Variants in WDR4 observed in about 807,000 individuals in gnomAD.
WDR4 encodes the protein tRNA (guanine-N(7)-)-methyltransferase non-catalytic subunit WDR4.
Under a neutral mutation model 48.6 loss-of-function variants are expected in WDR4, and 47 were observed. That is an observed-to-expected ratio of 0.97 (90% CI 0.77 to 1.23). WDR4 has a LOEUF of 1.23. WDR4 is among the 50% of genes most tolerant of loss of function. The pLI is 0.00. For missense variants in WDR4, 606 were observed against 551.6 expected, an observed-to-expected ratio of 1.10 and a Z score of -0.99; for synonymous variants, 268 against 230.0, an observed-to-expected ratio of 1.17 and a Z score of -1.49.
chr21:42,876,274 C>CGCAATCTCAGCTCTCT, intron 2 of WDR4, among the ~76,000 whole-genome samples: 1 of 142,628 alleles, frequency 7.0e-6, no homozygotes, highest in East Asian at 2.0e-4. Flanking sequence ...AGTGCAATGC[C>CGCAATCTCAGCTCTCT]GCAATCTCAG....
At chr21:42,867,477 G>A (rs954531957) in intron 3 of WDR4, among the ~76,000 whole-genome samples, 1 of 151,910 alleles carries the variant, frequency 6.6e-6, no homozygotes, top group Non-Finnish European at 1.5e-5. Flanking sequence ...ACATGCTGCA[G>A]GCTGCCCATC....
At position 42,873,707 on chromosome 21, in the gene WDR4, G is replaced by A. The variant is rs1348523381; in HGVS notation, c.156-16C>T. 2.5e-6 allele frequency: 4 copies of A among 1,610,802 alleles called. No homozygotes were observed. The highest frequency in any genetic ancestry group is 2.2e-5 in the East Asian group (1 of 44,838). On this transcript the variant is annotated splice_polypyrimidine_tract_variant and intron_variant, in intron 2 of 10. Transcript: ENST00000398208. ...CGCGTCCTCCCTGAGGAAGAGAGGA[G>A]GAAGACGGTTAAGCTTCACCTAAGG...
At chr21:42,846,784 G>A (rs1602675679), downstream of WDR4, among the ~76,000 whole-genome samples, 1 of 152,180 alleles carries the variant, frequency 6.6e-6, no homozygotes, top group Non-Finnish European at 1.5e-5. Context: ...CACTTTGGGA[G>A]TGCGAGGCGA....
chr21:42,853,668 C>A lies in WDR4; in HGVS notation c.876G>T (p.Val292=). 1 of 1,593,800 alleles carries A rather than the reference C, an allele frequency of 6.3e-7. No homozygotes were observed. The highest frequency in any genetic ancestry group is 8.5e-7 in the Non-Finnish European group (1 of 1,171,340). Residue 292 remains valine (V), a synonymous_variant, in exon 9 of 11, where the codon GTG becomes GTT. Coordinates refer to ENST00000398208, the MANE Select transcript of WDR4 (RefSeq NM_018669.6). ...YRQQLAFQHQ[V]WDVAFEETQG... is the part of the protein sequence containing the mutation. ...GGGTCTCCTCGAAAGCCACGTCCCA[C>A]ACTTGGTGCTGGAACGCCAGCTGCT...
chr21:42,847,636 G>A (rs950853086), downstream of WDR4, among the ~76,000 whole-genome samples: 11 of 152,236 alleles, frequency 7.2e-5, no homozygotes, highest in Admixed American at 5.2e-4. Context: ...AGCAGACACA[G>A]ATAAGACATG....
chr21:42,887,283 C>T, the WDR4 span, among the ~76,000 whole-genome samples: 5,659 of 151,034 alleles, frequency 0.037, 346 homozygotes, highest in African/African-American at 0.13. Flanking sequence ...TGGGCCACGG[C>T]GCCTGGCCTA....
the WDR4 span, among the ~76,000 whole-genome samples, chr21:42,886,024 TC>T: frequency 6.7e-6 from 1 of 150,206 alleles, no homozygotes; most frequent in Admixed American, 6.7e-5. Context: ...TGGCATCATC[TC>T]GGCTCACTGC....
At position 42,876,725 on chromosome 21, in the gene WDR4, T is replaced by C. The variant is rs529553564; in HGVS notation, c.132A>G (p.Glu44=). ...ACCCTTTATTTTCTTGTGACTTCTT[T>C]TCTGCAGCACTGCAGTCATAGATGA... The part of the protein sequence containing the change: ...SLFIYDCSAA[E]KKSQENKGED... Residue 44 remains glutamate (E), a synonymous_variant, in exon 2 of 11, where the codon GAA becomes GAG. Transcript: ENST00000398208. 4 of 1,613,804 alleles carry C rather than the reference T, an allele frequency of 2.5e-6. No individual in the cohort carries two copies. The African/African-American group carries it at 5.3e-5, about 22-fold the overall frequency.
intron 9 of WDR4, among the ~76,000 whole-genome samples, chr21:42,852,762 A>G (rs924900862): frequency 9.2e-5 from 14 of 152,066 alleles, no homozygotes; most frequent in Non-Finnish European, 4.4e-5. Context: ...CTAAAAATAC[A>G]AAATTAGCCG....
chr21:42,848,447 A>C (rs1602678364), downstream of WDR4, among the ~76,000 whole-genome samples: 1 of 96,456 alleles, frequency 1.0e-5, no homozygotes, highest in East Asian at 3.0e-4. Flanking sequence ...CGCGGCGCGC[A>C]CCTCACACAG....
chr21:42,865,173 A>G (rs958848170), intron 3 of WDR4, among the ~76,000 whole-genome samples: 2 of 151,776 alleles, frequency 1.3e-5, no homozygotes, highest in African/African-American at 4.9e-5. Flanking sequence ...GCAGAGCTGC[A>G]GAAGGGAGGC....
At chr21:42,877,753 A>G (rs944640369) in intron 1 of WDR4, among the ~76,000 whole-genome samples, 5 of 152,164 alleles carry the variant, frequency 3.3e-5, no homozygotes, top group Non-Finnish European at 5.9e-5. Flanking sequence ...CATGGTTATA[A>G]GAAATTACGG....
At chr21:42,852,117 C>G in intron 10 of WDR4, 138 bp downstream of exon 10, 5 of 909,890 alleles carry the variant, frequency 5.5e-6, no homozygotes, top group Non-Finnish European at 8.6e-6. Context: ...GCCCCGCCTT[C>G]TGGATGGGGA....
At chr21:42,869,572 C>T (rs762669180) in intron 3 of WDR4, among the ~76,000 whole-genome samples, 44 of 152,168 alleles carry the variant, frequency 2.9e-4, no homozygotes, top group South Asian at 1.2e-3. Flanking sequence ...GAGAGCCACA[C>T]TTTGGGAGAT....
At chr21:42,886,187 C>T in the WDR4 span, among the ~76,000 whole-genome samples, 5 of 152,054 alleles carry the variant, frequency 3.3e-5, no homozygotes, top group African/African-American at 4.8e-5. Context: ...GAACTCCTGA[C>T]GTCAGGCAAT....
chr21:42,843,984 C>G (rs1197860082), intron 11 of WDR4, among the ~76,000 whole-genome samples: 1 of 152,178 alleles, frequency 6.6e-6, no homozygotes, highest in Non-Finnish European at 1.5e-5. Flanking sequence ...AGCCGCCAGC[C>G]TAGCTGGAAG....
At chr21:42,858,337 CCCCACGGA>C (rs992469080) in intron 6 of WDR4, among the ~76,000 whole-genome samples, 1 of 152,160 alleles carries the variant, frequency 6.6e-6, no homozygotes, top group Non-Finnish European at 1.5e-5. Flanking sequence ...CCAGCTGTCA[CCCCACGGA>C]CCCACGGCAG....
chr21:42,849,056 G>A (rs1483080052), downstream of WDR4, among the ~76,000 whole-genome samples: 6 of 120,416 alleles, frequency 5.0e-5, no homozygotes, highest in South Asian at 2.8e-4. Context: ...ATCACGCGGC[G>A]TGCACCACAC....
chr21:42,873,236 G>A (rs1390347337), intron 3 of WDR4, among the ~76,000 whole-genome samples: 2 of 152,210 alleles, frequency 1.3e-5, no homozygotes, highest in African/African-American at 2.4e-5. Context: ...GAAAACAGGG[G>A]CACCAACACT....
Sources: allele counts gnomAD v4.1 joint callset (sites outside exome capture counted in the v4.1 genomes callset), GRCh38; gene constraint gnomAD v4.1.1; transcripts MANE v1.5; gene names NCBI Gene and HGNC (gene_info 2026-07-23, HGNC 2026-07-21).